Variants in TMEM14A observed in about 807,000 individuals in gnomAD.
TMEM14A encodes the protein transmembrane protein 14A.
Under a neutral mutation model 11.6 loss-of-function variants are expected in TMEM14A, and 8 were observed. The ratio of observed to expected loss-of-function variants is 0.69; its 90% CI spans 0.40 to 1.24. TMEM14A has a LOEUF of 1.24. Ranked by LOEUF, TMEM14A falls within the 50% of genes most tolerant of loss-of-function variation. The pLI is 0.01. For missense variants in TMEM14A, 108 were observed against 121.9 expected, an observed-to-expected ratio of 0.89 and a Z score of 0.54; for synonymous variants, 34 against 45.5, an observed-to-expected ratio of 0.75 and a Z score of 1.02.
chr6:52,685,981 C>T (rs893981965), intron 4 of TMEM14A, 29 bp from the exon 5 acceptor site: 3 of 1,607,706 alleles, frequency 1.9e-6, no homozygotes, highest in Non-Finnish European at 2.5e-6. Context: ...AGTGACTCTC[C>T]CTTTGTCTTT....
At chr6:52,681,026 G>A (rs1769382721) in intron 2 of TMEM14A, among the ~76,000 whole-genome samples, 1 of 151,848 alleles carries the variant, frequency 6.6e-6, no homozygotes, top group Non-Finnish European at 1.5e-5. Context: ...GAGATGCTTT[G>A]ACCCTACCCC....
At chr6:52,682,220 G>A (rs1769403907) in intron 3 of TMEM14A, among the ~76,000 whole-genome samples, 1 of 152,168 alleles carries the variant, frequency 6.6e-6, no homozygotes, top group Admixed American at 6.5e-5. Context: ...ATTTAGCATA[G>A]TTTTTACATT....
chr6:52,680,627 A>G lies in TMEM14A; in HGVS notation c.71-1186A>G, dbSNP rs374975816. Among the ~76,000 whole-genome samples, 579 of 91,922 alleles carry G rather than the reference A, an allele frequency of 6.3e-3. 13 individuals carry two copies. Among genetic ancestry groups the G allele is most frequent in the Admixed American group, 0.02 (183 of 8,936 alleles). 60.3% of individuals were successfully genotyped at this position (91,922 alleles called of 152,430 possible). On this transcript the variant is annotated intron_variant, in intron 2 of 4. Coordinates refer to ENST00000211314, the MANE Select transcript of TMEM14A (RefSeq NM_014051.4). ...TATATATATATGTATATATATGTGT[A>G]TATATATATGTGTGTATATATATGT... is the stretch of plus-strand genomic sequence containing the variant.
At chr6:52,679,890 A>G (rs931685127) in intron 2 of TMEM14A, among the ~76,000 whole-genome samples, 3 of 151,972 alleles carry the variant, frequency 2.0e-5, no homozygotes, top group African/African-American at 7.3e-5. Context: ...GGGTGGGGTG[A>G]TCCTAACAGT....
At chr6:52,683,483 C>CA (rs71799754) in intron 3 of TMEM14A, among the ~76,000 whole-genome samples, 45 of 130,942 alleles carry the variant, frequency 3.4e-4, no homozygotes, top group African/African-American at 5.2e-4. Flanking sequence ...ACAACAACAA[C>CA]AAAAAAAAAA....
At chr6:52,676,203 A>G (rs1769255276) in intron 1 of TMEM14A, among the ~76,000 whole-genome samples, 1 of 152,174 alleles carries the variant, frequency 6.6e-6, no homozygotes, top group Non-Finnish European at 1.5e-5. Flanking sequence ...AGTGTGCTTA[A>G]CAGTGATGAG....
intron 3 of TMEM14A, among the ~76,000 whole-genome samples, chr6:52,683,607 G>A (rs1335038763): frequency 3.3e-5 from 5 of 151,956 alleles, no homozygotes; most frequent in Non-Finnish European, 7.4e-5. Flanking sequence ...GTGTTTCTTT[G>A]TTTGTTCTTT....
At position 52,674,883 on chromosome 6, in the gene TMEM14A, C is replaced by A. The variant is rs899695672; in HGVS notation, c.-16-2204C>A. On this transcript the variant is annotated intron_variant, in intron 1 of 4. Coordinates refer to ENST00000211314, the MANE Select transcript of TMEM14A (RefSeq NM_014051.4). ...ATGACTCTGAGATCAGCTCAAAATT[C>A]TTCTTCTTTTTTTTTTTTTTTTTTT... is the stretch of plus-strand genomic sequence containing the variant. 2.2e-3 allele frequency among the ~76,000 whole-genome samples: 146 copies of A among 65,216 alleles called. 1 individual carries two copies. Among genetic ancestry groups the A allele is most frequent in the African/African-American group, 5.2e-3 (138 of 26,440 alleles). The allele number at this position is 65,216 out of a possible 152,430, so 42.8% of individuals were successfully genotyped here.
chr6:52,684,146 G>A lies in TMEM14A; in HGVS notation c.241G>A (p.Gly81Ser). ...GAGGTCCAAGAAAATAATGCCTGCTGGTTTGGTTGCAGGTTTAAGGTAAGT... is the reference window on the plus strand; with the variant it reads ...GAGGTCCAAGAAAATAATGCCTGCTAGTTTGGTTGCAGGTTTAAGGTAAGT... ...FKRSKKIMPAGLVAGLSLMMI... is the reference protein window; with the variant it reads ...FKRSKKIMPASLVAGLSLMMI... The change falls in exon 4 of 5, where the codon GGT (glycine) becomes AGT (serine). Residue 81 changes from glycine to serine, a missense_variant. Transcript: ENST00000211314. 6.2e-7 allele frequency: 1 copy of A among 1,613,680 alleles called. No individual in the cohort carries two copies. The highest frequency in any genetic ancestry group is 8.5e-7 in the Non-Finnish European group (1 of 1,179,816).
chr6:52,680,684 CATATATGTATATATATATAT>C (rs1467230631), intron 2 of TMEM14A, among the ~76,000 whole-genome samples: 6 of 38,708 alleles, frequency 1.6e-4, no homozygotes, highest in African/African-American at 3.9e-4. Flanking sequence ...TATATATATA[CATATATGTATATATATATAT>C]ACACATATAT....
At chr6:52,675,247 A>G (rs1243150454) in intron 1 of TMEM14A, among the ~76,000 whole-genome samples, 2 of 152,198 alleles carry the variant, frequency 1.3e-5, no homozygotes, top group African/African-American at 4.8e-5. Context: ...CCATTAACCT[A>G]AATGATAAGC....
intron 3 of TMEM14A, among the ~76,000 whole-genome samples, chr6:52,682,138 G>A (rs1482853322): frequency 2.6e-5 from 4 of 152,066 alleles, no homozygotes; most frequent in Non-Finnish European, 5.9e-5. Flanking sequence ...ATAAAAACTC[G>A]TTACTAGAAA....
chr6:52,671,585 T>G (rs1769162961), intron 1 of TMEM14A, among the ~76,000 whole-genome samples: 1 of 152,162 alleles, frequency 6.6e-6, no homozygotes, highest in Admixed American at 6.5e-5. Flanking sequence ...CAGACCCCAC[T>G]CGAAAATGTG....
rs1272199015 is a variant in TMEM14A, at chr6:52,686,184, C to T, written c.*135C>T. ...ATAGCACTGTCACCTCTAATATGAA[C>T]ATTAGTTTGAGGTAGTTTTTTTCTA... On this transcript the variant is annotated 3_prime_UTR_variant, in exon 5 of 5. Transcript: ENST00000211314. 32 of 772,722 alleles carry T rather than the reference C, an allele frequency of 4.1e-5. No homozygotes were observed. Among genetic ancestry groups the T allele is most frequent in the Non-Finnish European group, 2.1e-5 (11 of 525,196 alleles). 47.9% of individuals were successfully genotyped at this position (772,722 alleles called of 1,614,324 possible).
intron 3 of TMEM14A, among the ~76,000 whole-genome samples, chr6:52,683,702 C>G (rs1769437602): frequency 6.6e-6 from 1 of 151,294 alleles, no homozygotes; most frequent in Non-Finnish European, 1.5e-5. Context: ...ACCTCTGCCT[C>G]CCCGGTTCAA....
intron 2 of TMEM14A, among the ~76,000 whole-genome samples, chr6:52,681,034 C>G (rs1769382985): frequency 6.6e-6 from 1 of 151,804 alleles, no homozygotes; most frequent in Non-Finnish European, 1.5e-5. Flanking sequence ...TTGACCCTAC[C>G]CCCCAGGGAT....
At chr6:52,677,315 A>T (rs1769276191) in intron 2 of TMEM14A, 143 bp downstream of exon 2, 7 of 886,120 alleles carry the variant, frequency 7.9e-6, no homozygotes, top group African/African-American at 1.7e-5. Flanking sequence ...GAAGGGACTC[A>T]TGAAAGGAAG....
At chr6:52,680,050 T>C (rs10807450) in intron 2 of TMEM14A, among the ~76,000 whole-genome samples, 104,822 of 151,322 alleles carry the variant, frequency 0.69, 37,965 homozygotes, top group South Asian at 0.82. Context: ...TGACCCATAA[T>C]AGGGGTGCAT....
At chr6:52,676,662 A>G (rs886687812) in intron 1 of TMEM14A, among the ~76,000 whole-genome samples, 3 of 152,194 alleles carry the variant, frequency 2.0e-5, no homozygotes, top group Non-Finnish European at 2.9e-5. Context: ...AGACTCGGTA[A>G]TTTATGAAGA....
Sources: allele counts gnomAD v4.1 joint callset (sites outside exome capture counted in the v4.1 genomes callset), GRCh38; gene constraint gnomAD v4.1.1; transcripts MANE v1.5; gene names NCBI Gene and HGNC (gene_info 2026-07-23, HGNC 2026-07-21).